Variants in DIP2C observed in about 807,000 individuals in gnomAD.
The protein encoded by DIP2C is DIP2 acetate--CoA ligase C (putative), also known as disco-interacting protein 2 homolog C.
DIP2C carries 33 observed loss-of-function variants against 192.4 expected under a neutral mutation model. The ratio of observed to expected loss-of-function variants is 0.17; its 90% CI spans 0.13 to 0.23. The LOEUF is 0.23. Ranked by LOEUF, DIP2C falls within the 10% of genes least tolerant of loss-of-function variation. The pLI is 1.00. For synonymous variants in DIP2C, 979 were observed against 864.1 expected (o/e 1.13, Z -2.33); for missense variants, 1,537 against 2,110.1 (o/e 0.73, Z 5.32).
chr10:547,496 A>G (rs988957835), intron 1 of DIP2C, among the ~76,000 whole-genome samples: 1 of 152,202 alleles, frequency 6.6e-6, no homozygotes, highest in East Asian at 1.9e-4. Context: ...CTCATGTTAC[A>G]GAGGAGGAAA....
rs568619883 is a variant in DIP2C, at chr10:571,335, C to T, written c.86-84805G>A. On this transcript the variant is annotated intron_variant, in intron 1 of 36. Transcript: ENST00000280886. ...CAGCTCCCCCCGGCCATCACACTTC[C>T]TAAGGGTCAGCCCTGCCAGGCCGCC... Among the ~76,000 whole-genome samples the T allele has an allele frequency of 2.6e-5, 4 of 152,308 alleles. No individual in the cohort carries two copies. The East Asian group carries it at 5.8e-4, about 22-fold the overall frequency.
At position 454,995 on chromosome 10, in the gene DIP2C, T is replaced by C. The variant is rs552348116; in HGVS notation, c.269-13999A>G. Among the ~76,000 whole-genome samples the C allele has an allele frequency of 2.6e-5, 4 of 152,292 alleles. No individual in the cohort carries two copies. In the South Asian group the frequency reaches 8.3e-4, roughly 32 times the overall value. On this transcript the variant is annotated intron_variant, in intron 3 of 36. Transcript: ENST00000280886. ...ATCCATTTCCTAGAGCTCCTGCCAT[T>C]TGCACCAAGCTCACAGCATTACACA...
chr10:384,677 G>A, intron 14 of DIP2C, 38 bp from the exon 15 acceptor site: 1 of 1,603,642 alleles, frequency 6.2e-7, no homozygotes, highest in Non-Finnish European at 8.5e-7. Context: ...TGAGCATGGA[G>A]GGGCACGCAG....
rs562988348 is a variant in DIP2C at position 274,361 on chromosome 10, A to T, written c.*2964T>A. On this transcript the variant is annotated 3_prime_UTR_variant, in exon 37 of 37. Transcript: ENST00000280886. ...TACTAAGTAATGCAACAAATTATGT[A>T]AACAGAGTCAGATACATTTCCCTGT... 6 of 152,384 alleles carry T rather than the reference A, an allele frequency of 3.9e-5. No individual in the cohort carries two copies. The highest frequency in any genetic ancestry group is 1.2e-4 in the African/African-American group (5 of 41,598). 9.4% of individuals were successfully genotyped at this position (152,384 alleles called of 1,614,324 possible).
intron 1 of DIP2C, among the ~76,000 whole-genome samples, chr10:609,368 G>A (rs563307310): frequency 1.2e-4 from 18 of 152,286 alleles, no homozygotes; most frequent in Non-Finnish European, 2.2e-4. Context: ...TAAAATAAAA[G>A]CATCAAATAG....
chr10:393,842 A>C (rs1176604763), intron 10 of DIP2C, among the ~76,000 whole-genome samples: 1 of 149,634 alleles, frequency 6.7e-6, no homozygotes, highest in East Asian at 2.0e-4. Flanking sequence ...AAAAAAAAAC[A>C]ACCCACAAGG....
intron 1 of DIP2C, among the ~76,000 whole-genome samples, chr10:547,139 AT>A (rs1326931633): frequency 6.6e-6 from 1 of 152,204 alleles, no homozygotes; most frequent in Non-Finnish European, 1.5e-5. Context: ...CATTCAGAAC[AT>A]TCCAGAGGGA....
At chr10:428,147 T>C (rs777533904) in intron 4 of DIP2C, among the ~76,000 whole-genome samples, 1 of 152,164 alleles carries the variant, frequency 6.6e-6, no homozygotes, top group Non-Finnish European at 1.5e-5. Context: ...AGCGTGGACA[T>C]TTTATGATTT....
In DIP2C at chr10:544,209, TTGACCTTTGGTG is replaced by T. The variant is rs1483798448; in HGVS notation, c.86-57691_86-57680del. 9.9e-5 allele frequency among the ~76,000 whole-genome samples: 15 copies of T among 152,194 alleles called. No individual in the cohort carries two copies. The South Asian group carries it at 1.7e-3, about 17-fold the overall frequency. On this transcript the variant is annotated intron_variant, in intron 1 of 36. Transcript: ENST00000280886. ...CAAGGTGAGTGGAATTGCACAGTGC[TTGACCTTTGGTG>T]TGACCTTTGGTGCTGGCATCTTTCA...
At position 586,871 on chromosome 10, in the gene DIP2C, G is replaced by A. The variant is rs191890398; in HGVS notation, c.86-100341C>T. Among the ~76,000 whole-genome samples the A allele has an allele frequency of 2.6e-5, 4 of 152,246 alleles. No individual in the cohort carries two copies. In the East Asian group the frequency reaches 5.8e-4, roughly 22 times the overall value. The stretch of plus-strand genomic sequence containing the variant: ...TTTTGTGGGGAAAACCCCACAACAA[G>A]GTGGGGAGGGGCGACCAGCATGAGT... On this transcript the variant is annotated intron_variant, in intron 1 of 36. Transcript: ENST00000280886.
chr10:502,657 ACAGT>A (rs1203493672), intron 1 of DIP2C, among the ~76,000 whole-genome samples: 5 of 152,208 alleles, frequency 3.3e-5, no homozygotes, highest in East Asian at 1.9e-4. Flanking sequence ...GTCACAGCAC[ACAGT>A]CAAAGTGTAC....
intron 7 of DIP2C, among the ~76,000 whole-genome samples, chr10:415,465 G>A (rs996419723): frequency 2.0e-5 from 3 of 152,096 alleles, no homozygotes; most frequent in Admixed American, 2.0e-4. Context: ...CAGTTTACTT[G>A]TTTTTCTACA....
At chr10:414,907 T>TA (rs1491253436) in intron 7 of DIP2C, among the ~76,000 whole-genome samples, 1,233 of 35,088 alleles carry the variant, frequency 0.035, 41 homozygotes, top group Non-Finnish European at 0.051. Flanking sequence ...TATATATATA[T>TA]TTTTTTTTTT....
chr10:514,495 G>C (rs1175345558), intron 1 of DIP2C, among the ~76,000 whole-genome samples: 2 of 152,212 alleles, frequency 1.3e-5, no homozygotes, highest in Non-Finnish European at 2.9e-5. Context: ...TTCACCAGAG[G>C]GTTCTGAGGC....
chr10:630,797 A>C (rs185218568), intron 1 of DIP2C: 2 of 152,182 alleles, frequency 1.3e-5, no homozygotes, highest in African/African-American at 4.8e-5. Flanking sequence ...CAGCCATAGA[A>C]TCCGGGCCTT....
chr10:430,441 AG>A (rs1966846350), intron 4 of DIP2C: 1 of 152,202 alleles, frequency 6.6e-6, no homozygotes, highest in Non-Finnish European at 1.5e-5. Flanking sequence ...CCTGGACTCA[AG>A]TGATCCTCCC....
intron 18 of DIP2C, among the ~76,000 whole-genome samples, chr10:367,393 G>C (rs1237851442): frequency 6.6e-6 from 1 of 151,618 alleles, no homozygotes; most frequent in Non-Finnish European, 1.5e-5. Flanking sequence ...CTCCAGCCTG[G>C]GCGACAGCGA....
intron 29 of DIP2C, among the ~76,000 whole-genome samples, chr10:338,687 T>C (rs931793080): frequency 1.3e-5 from 2 of 152,276 alleles, no homozygotes; most frequent in African/African-American, 4.8e-5. Context: ...TGATTTCTAA[T>C]TCCCCACACG....
intron 1 of DIP2C, chr10:650,166 G>C (rs1430370798): frequency 1.4e-6 from 1 of 717,336 alleles, no homozygotes; most frequent in African/African-American, 1.7e-5. Context: ...CCCCAGCAGA[G>C]TCAACACTGG....
Sources: gnomAD v4.1 joint callset for allele counts (sites outside exome capture counted in the v4.1 genomes callset) on GRCh38, gnomAD v4.1.1 for gene constraint, MANE v1.5 for transcripts, NCBI Gene and HGNC (gene_info 2026-07-23, HGNC 2026-07-21) for gene names.